Variants in CHIC1 observed in about 807,000 individuals in gnomAD.
The protein encoded by CHIC1 is cysteine-rich hydrophobic domain-containing protein 1.
CHIC1 carries 7 observed loss-of-function variants against 18.5 expected under a neutral mutation model. The observed-to-expected ratio is 0.38, with a 90% CI of 0.22 to 0.71. The LOEUF is 0.71. Ranked by LOEUF, CHIC1 falls within the 30% of genes least tolerant of loss-of-function variation. The pLI is 0.49. For missense variants in CHIC1, 159 were observed against 176.9 expected (o/e 0.90, Z 0.57); for synonymous variants, 77 against 73.5 (o/e 1.05, Z -0.25).
In CHIC1 at chrX:73,563,511, T is replaced by TA; in HGVS notation, c.227_228insA (p.Ser77GlufsTer31). The TA allele has an allele frequency of 3.4e-6, 4 of 1,162,599 alleles. No homozygotes were observed. The highest frequency in any genetic ancestry group is 3.4e-6 in the Non-Finnish European group (3 of 870,740). On this transcript the variant is annotated frameshift_variant, in exon 1 of 6. Coordinates refer to ENST00000373502, the MANE Select transcript of CHIC1 (RefSeq NM_001039840.4). LOFTEE classifies it high-confidence loss of function. ...GAAGCGCCGCCCCCGCCTCGGGTAG[T>TA]GAGCGAGGAGCATCTGCGGAGATAT...
At chrX:73,680,098 C>CT (rs60843988) in intron 5 of CHIC1, among the ~76,000 whole-genome samples, 1,444 of 85,906 alleles carry the variant, frequency 0.017, 30 homozygotes, top group South Asian at 0.077. Context: ...CTATTACTGG[C>CT]TTTTTTTTTT....
intron 3 of CHIC1, among the ~76,000 whole-genome samples, chrX:73,641,981 G>A (rs1352585281): frequency 7.2e-5 from 8 of 111,568 alleles, no homozygotes; most frequent in Non-Finnish European, 1.1e-4. Flanking sequence ...ATAAACATAC[G>A]TGTGCATGTG....
At chrX:73,611,362 T>G (rs1349244716) in intron 3 of CHIC1, among the ~76,000 whole-genome samples, 2 of 108,992 alleles carry the variant, frequency 1.8e-5, no homozygotes, top group East Asian at 2.8e-4. Context: ...TCATTTTTTA[T>G]GGCTGCATAG....
intron 3 of CHIC1, among the ~76,000 whole-genome samples, chrX:73,626,226 T>C (rs1275465583): frequency 8.9e-6 from 1 of 112,076 alleles, no homozygotes; most frequent in Admixed American, 9.5e-5. Flanking sequence ...TAAAGGATTC[T>C]TTCTGTATTG....
At chrX:73,646,456 T>A (rs1603348040) in intron 3 of CHIC1, among the ~76,000 whole-genome samples, 1 of 112,410 alleles carries the variant, frequency 8.9e-6, no homozygotes, top group Non-Finnish European at 1.9e-5. Context: ...GGAATTTTCA[T>A]AGGAATTGCA....
chrX:73,604,055 T>A lies in CHIC1; in HGVS notation c.507+19483T>A, dbSNP rs777443139. ...GGGAGGAGTCCTTCTTTTTCTGTTGTTTGGAATAATTTCAGAAGGAATGGT... is the reference window on the plus strand; with the variant it reads ...GGGAGGAGTCCTTCTTTTTCTGTTGATTGGAATAATTTCAGAAGGAATGGT... On this transcript the variant is annotated intron_variant, in intron 3 of 5. Transcript: ENST00000373502. 2.1e-4 allele frequency among the ~76,000 whole-genome samples: 23 copies of A among 108,320 alleles called. 1 individual carries two copies. In the South Asian group the frequency reaches 8.1e-3, roughly 38 times the overall value. The allele number at this position is 108,320 out of a possible 115,157, so 94.1% of individuals were successfully genotyped here.
Position 73,684,818 on chromosome X carries a change from G to GAT in CHIC1, c.*3820_*3821dup, listed in dbSNP as rs758787231. ...ATGTAGTATGTGGACTAAAACAATT[G>GAT]ATATATATCTGTATGTAAAAATGAA... is the stretch of plus-strand genomic sequence containing the variant. On this transcript the variant is annotated 3_prime_UTR_variant, in exon 6 of 6. Coordinates refer to ENST00000373502, the MANE Select transcript of CHIC1 (RefSeq NM_001039840.4). 1 of 111,302 alleles carries GAT rather than the reference G, an allele frequency of 9.0e-6. No individual in the cohort carries two copies. The highest frequency in any genetic ancestry group is 9.6e-5 in the Admixed American group (1 of 10,407). The allele number at this position is 111,302 out of a possible 1,213,427, so 9.2% of individuals were successfully genotyped here. A position where few individuals can be genotyped will look rare whatever the true frequency, so the allele number is the denominator to read the frequency against.
Position 73,681,724 on chromosome X carries a change from A to G in CHIC1, c.*719A>G, listed in dbSNP as rs2058100126. The G allele has an allele frequency of 8.9e-6, 1 of 112,660 alleles. No homozygotes were observed. The highest frequency in any genetic ancestry group is 1.9e-5 in the Non-Finnish European group (1 of 53,017). 9.3% of individuals were successfully genotyped at this position (112,660 alleles called of 1,213,427 possible). On this transcript the variant is annotated 3_prime_UTR_variant, in exon 6 of 6. Coordinates refer to ENST00000373502, the MANE Select transcript of CHIC1 (RefSeq NM_001039840.4). ...AACTGCTAACATGCTGTTTTATGGC[A>G]AGGCCATAATGAGTATGTTAAGAAT...
rs766325829 is a variant in CHIC1 at position 73,577,776 on chromosome X, G to A, written c.351+315G>A. 5.4e-5 allele frequency among the ~76,000 whole-genome samples: 6 copies of A among 110,240 alleles called. No individual in the cohort carries two copies. The East Asian group carries it at 1.7e-3, about 31-fold the overall frequency. On this transcript the variant is annotated intron_variant, in intron 2 of 5. Coordinates refer to ENST00000373502, the MANE Select transcript of CHIC1 (RefSeq NM_001039840.4). The stretch of plus-strand genomic sequence containing the variant: ...GTCATTAATTTCCAGTGCTTTTAGA[G>A]TTAAAGTTATTTTTTTAACTGTATC...
chrX:73,655,497 T>TGC (rs2057941452), intron 3 of CHIC1, among the ~76,000 whole-genome samples: 2 of 60,032 alleles, frequency 3.3e-5, no homozygotes, highest in Non-Finnish European at 6.1e-5. Context: ...ATATTGTGTA[T>TGC]ATATATATAC....
intron 3 of CHIC1, among the ~76,000 whole-genome samples, chrX:73,655,645 GTGTGTA>G (rs767218506): frequency 0.015 from 499 of 32,827 alleles, 8 homozygotes; most frequent in Non-Finnish European, 0.025. Context: ...GTGTGTGTGT[GTGTGTA>G]TATATATATA....
At chrX:73,644,406 A>C (rs965628891) in intron 3 of CHIC1, among the ~76,000 whole-genome samples, 1 of 111,993 alleles carries the variant, frequency 8.9e-6, no homozygotes, top group Non-Finnish European at 1.9e-5. Flanking sequence ...TACTCTCTTC[A>C]AAGCTGTCAG....
At position 73,636,864 on chromosome X, in the gene CHIC1, C is replaced by A. The variant is rs1464734738; in HGVS notation, c.508-42462C>A. Among the ~76,000 whole-genome samples the A allele has an allele frequency of 2.7e-5, 3 of 109,274 alleles. No individual in the cohort carries two copies. The East Asian group carries it at 8.6e-4, about 31-fold the overall frequency. 94.9% of individuals were successfully genotyped at this position (109,274 alleles called of 115,157 possible). On this transcript the variant is annotated intron_variant, in intron 3 of 5. Coordinates refer to ENST00000373502, the MANE Select transcript of CHIC1 (RefSeq NM_001039840.4). ...AAATTACATTGTATATACTGTATAC[C>A]CACTAGTGTAGGCTCACAATTATTT... is the stretch of plus-strand genomic sequence containing the variant.
chrX:73,571,756 C>T (rs974630211), intron 1 of CHIC1, among the ~76,000 whole-genome samples: 61 of 110,700 alleles, frequency 5.5e-4, no homozygotes, highest in African/African-American at 1.9e-3. Flanking sequence ...TTTATTTACT[C>T]GACTATTTTA....
At chrX:73,564,242 C>G (rs984692822) in intron 1 of CHIC1, among the ~76,000 whole-genome samples, 2 of 111,289 alleles carry the variant, frequency 1.8e-5, no homozygotes, top group African/African-American at 6.6e-5. Flanking sequence ...ATTTCTGCGC[C>G]TTGATTTCTT....
intron 3 of CHIC1, among the ~76,000 whole-genome samples, chrX:73,650,856 C>A (rs1221596371): frequency 9.0e-6 from 1 of 111,053 alleles, no homozygotes; most frequent in African/African-American, 3.3e-5. Context: ...CCAGCATCAT[C>A]ATACCCAAAC....
intron 3 of CHIC1, among the ~76,000 whole-genome samples, chrX:73,612,687 G>T (rs780537956): frequency 9.9e-5 from 11 of 111,620 alleles, no homozygotes; most frequent in Non-Finnish European, 1.9e-4. Context: ...ATAGAATTTT[G>T]AGTTTTTAAA....
chrX:73,595,438 C>G (rs976549876), intron 3 of CHIC1, among the ~76,000 whole-genome samples: 1 of 111,189 alleles, frequency 9.0e-6, no homozygotes, highest in Non-Finnish European at 1.9e-5. Flanking sequence ...GTTTTCTGTT[C>G]CTGTGTTAGT....
At chrX:73,577,342 T>A (rs1398246867) in intron 1 of CHIC1, 65 bp from the exon 2 acceptor site, 5 of 899,683 alleles carry the variant, frequency 5.6e-6, no homozygotes, top group African/African-American at 4.0e-5. Flanking sequence ...TAACTTTTTT[T>A]TAAAAAAAAG....
Sources: allele counts gnomAD v4.1 joint callset (sites outside exome capture counted in the v4.1 genomes callset), GRCh38; gene constraint gnomAD v4.1.1; transcripts MANE v1.5; gene names NCBI Gene and HGNC (gene_info 2026-07-23, HGNC 2026-07-21).